Variants in ZNF296 observed in about 807,000 individuals in gnomAD.
ZNF296 encodes the protein zinc finger protein 296, also known as zinc finger protein 342.
In ZNF296, 1 loss-of-function variant was observed where a neutral mutation model predicts 13.2. The observed-to-expected ratio is 0.08, with a 90% CI of 0.03 to 0.36. The LOEUF (loss-of-function observed/expected upper bound fraction) is 0.36, where lower values mean the gene tolerates loss of function less well. Among genes scored for constraint, ZNF296 ranks in the 10% least tolerant of loss-of-function variants. The probability of loss-of-function intolerance (pLI) is 0.99; values close to 1 mark genes in which losing one functional copy is unlikely to be tolerated. For synonymous variants in ZNF296, 303 were observed against 289.0 expected (o/e 1.05, Z -0.49); for missense variants, 555 against 688.2 (o/e 0.81, Z 2.16).
chr19:45,071,993 C>T lies in ZNF296; in HGVS notation c.1036G>A (p.Gly346Ser), dbSNP rs138866921. The T allele has an allele frequency of 1.7e-5, 27 of 1,613,240 alleles. No homozygotes were observed. Among genetic ancestry groups the T allele is most frequent in the Non-Finnish European group, 2.2e-5 (26 of 1,180,016 alleles). ...PGAPGSGAQA[G>S]PGGDTWGAIT... ...GCTCCCCAAGTGTCTCCACCAGGGC[C>T]GGCTTGAGCCCCACTGCCAGGAGCC... The change falls in exon 3 of 3, where the codon GGC (glycine) becomes AGC (serine). Residue 346 changes from glycine (G) to serine (S), a missense_variant. Gly to Ser is a moderately conservative substitution (Grantham distance 56). This residue lies in a region of ZNF296 where 410 missense variants were observed against 548.0 expected (regional missense o/e 0.75). Transcript: ENST00000303809.
Position 45,071,683 on chromosome 19 carries a change from T to A in ZNF296, c.1346A>T (p.His449Leu), listed in dbSNP as rs1397499736. The change falls in exon 3 of 3, where the codon CAC becomes CTC. Residue 449 changes from histidine to leucine, a missense_variant. By Grantham distance (99) the His-to-Leu change is moderately conservative. Coordinates refer to ENST00000303809, the MANE Select transcript of ZNF296 (RefSeq NM_145288.3). ...TCGCAGGCCGAAGGGCACATGGCAG[T>A]GGGGGCACTCGAAGCGGGTGCTGCC... ...TPGSTRFECP[H>L]CHVPFGLRAT... is the part of the protein sequence containing the mutation. 3 of 1,576,294 alleles carry A rather than the reference T, an allele frequency of 1.9e-6. No homozygotes were observed. The highest frequency in any genetic ancestry group is 3.5e-5 in the Admixed American group (2 of 57,212).
At chr19:45,073,883 G>A (rs1051046295) in intron 2 of ZNF296, among the ~76,000 whole-genome samples, 2 of 151,586 alleles carry the variant, frequency 1.3e-5, no homozygotes, top group Non-Finnish European at 2.9e-5. Context: ...ATAGCCGGGT[G>A]TGGTGGTGCG....
Position 45,071,896 on chromosome 19 carries a change from C to T in ZNF296, c.1133G>A (p.Gly378Glu), listed in dbSNP as rs375789817. The change falls in exon 3 of 3, where the codon GGG becomes GAG. Residue 378 changes from glycine (G) to glutamate (E), a missense_variant. This residue lies in a region of ZNF296 where 410 missense variants were observed against 548.0 expected (regional missense o/e 0.75). Coordinates refer to ENST00000303809, the MANE Select transcript of ZNF296 (RefSeq NM_145288.3). ...GCCCCCGGGCCCGCGGCTCTTGCCC[C>T]CTGACTTGGGCATCTTTTTGGGTGA... is the stretch of plus-strand genomic sequence containing the variant. Reference protein sequence around the residue: ...KASPKKMPKSGGKSRGPGGSC... With the variant: ...KASPKKMPKSEGKSRGPGGSC... 4 of 1,613,346 alleles carry T rather than the reference C, an allele frequency of 2.5e-6. No homozygotes were observed. The highest frequency in any genetic ancestry group is 3.4e-6 in the Non-Finnish European group (4 of 1,180,018).
chr19:45,071,872 C>G lies in ZNF296; in HGVS notation c.1157G>C (p.Gly386Ala). ...ATGCTTCCCGCAGAACTCACAGCTG[C>G]CCCCGGGCCCGCGGCTCTTGCCCCC... ...KSGGKSRGPG[G>A]SCEFCGKHFT... The change falls in exon 3 of 3, where the codon GGC (glycine) becomes GCC (alanine). Residue 386 changes from glycine to alanine, a missense_variant. Gly to Ala is a moderately conservative substitution (Grantham distance 60, BLOSUM62 0). Coordinates refer to ENST00000303809, the MANE Select transcript of ZNF296 (RefSeq NM_145288.3). The G allele has an allele frequency of 6.2e-7, 1 of 1,612,942 alleles. No homozygotes were observed. The highest frequency in any genetic ancestry group is 8.5e-7 in the Non-Finnish European group (1 of 1,180,004).
rs145168144 is a variant in ZNF296 at position 45,071,712 on chromosome 19, C to A, written c.1317G>T (p.Thr439=). The change falls in exon 3 of 3, where the codon ACG becomes ACT. Residue 439 remains threonine (T), a synonymous_variant. Transcript: ENST00000303809. The part of the protein sequence containing the change: ...LNRHRRMHGM[T]PGSTRFECPH... Reference sequence around the variant, plus strand: ...GGCACTCGAAGCGGGTGCTGCCAGGCGTCATGCCGTGCATGCGGCGGTGGC... The same window carrying A: ...GGCACTCGAAGCGGGTGCTGCCAGGAGTCATGCCGTGCATGCGGCGGTGGC... 9.3e-5 allele frequency: 148 copies of A among 1,597,262 alleles called. No individual in the cohort carries two copies. The highest frequency in any genetic ancestry group is 1.3e-4 in the Non-Finnish European group (147 of 1,170,886).
chr19:45,075,746 G>A lies in ZNF296; in HGVS notation c.415C>T (p.Leu139Phe), dbSNP rs1456090522. The A allele has an allele frequency of 1.6e-5, 26 of 1,614,026 alleles. No individual in the cohort carries two copies. Among genetic ancestry groups the A allele is most frequent in the Non-Finnish European group, 2.2e-5 (26 of 1,180,020 alleles). ...FMDHKKLGCQ[L>F]FRGPSRGQGS... ...TGGCCGCGGCTGGGGCCTCTGAAGA[G>A]CTGACAGCCCAGCTTCTTGTGGTCC... Residue 139 changes from leucine to phenylalanine, a missense_variant, in exon 2 of 3, where the codon CTC (leucine) becomes TTC (phenylalanine). By Grantham distance (22) the Leu-to-Phe change is conservative. This residue lies in a region of ZNF296 where 410 missense variants were observed against 548.0 expected (regional missense o/e 0.75). Coordinates refer to ENST00000303809, the MANE Select transcript of ZNF296 (RefSeq NM_145288.3).
chr19:45,074,293 G>A (rs1323883596), intron 2 of ZNF296, among the ~76,000 whole-genome samples: 4 of 152,018 alleles, frequency 2.6e-5, no homozygotes, highest in Non-Finnish European at 5.9e-5. Context: ...CCTGGGAGGC[G>A]GAGGTTGCAG....
chr19:45,073,132 G>A (rs1487209628), intron 2 of ZNF296, among the ~76,000 whole-genome samples: 3 of 152,164 alleles, frequency 2.0e-5, no homozygotes, highest in Non-Finnish European at 2.9e-5. Context: ...ATGGCTCATA[G>A]CCCGGCTTTC....
chr19:45,072,494 C>T lies in ZNF296; in HGVS notation c.535G>A (p.Asp179Asn), dbSNP rs1422886397. 5.6e-6 allele frequency: 9 copies of T among 1,613,526 alleles called. No homozygotes were observed. In the Admixed American group the frequency reaches 1.5e-4, roughly 27 times the overall value. ...GTCTGGTAGATGGACAGTCCGTGGT[C>T]CCACTGGGCGTGACGCAGCAGCTTC... ...AWKLLRHAQW[D>N]HGLSIYQTES... is the part of the protein sequence containing the mutation. The change falls in exon 3 of 3, where the codon GAC (aspartate) becomes AAC (asparagine). Residue 179 changes from aspartate to asparagine, a missense_variant. By Grantham distance (23) the Asp-to-Asn change is conservative. Around this residue, in one of 3 missense-constraint regions of ZNF296, gnomAD observed 410 missense variants for 548.0 expected, o/e 0.75. Coordinates refer to ENST00000303809, the MANE Select transcript of ZNF296 (RefSeq NM_145288.3).
rs773124680 is a variant in ZNF296, at chr19:45,076,284, G to T, written c.90C>A (p.Leu30=). 2 of 1,480,174 alleles carry T rather than the reference G, an allele frequency of 1.4e-6. No homozygotes were observed. The allele number at this position is 1,480,174 out of a possible 1,614,324, so 91.7% of individuals were successfully genotyped here. The stretch of plus-strand genomic sequence containing the variant: ...CTGGCTCGGGCTTGAGTTCGATGAC[G>T]AGGTCCTGCATTTCCATCTCGTCGT... ...NPDDEMEMQD[L]VIELKPEPDA... The change falls in exon 1 of 3, where the codon CTC becomes CTA. Residue 30 remains leucine (L), a synonymous_variant. Coordinates refer to ENST00000303809, the MANE Select transcript of ZNF296 (RefSeq NM_145288.3). The surrounding 1 kb of genome is among the most constrained non-coding windows in gnomAD (Gnocchi z 4.9).
At chr19:45,074,816 T>C (rs918192416) in intron 2 of ZNF296, among the ~76,000 whole-genome samples, 2 of 152,170 alleles carry the variant, frequency 1.3e-5, no homozygotes, top group African/African-American at 4.8e-5. Flanking sequence ...AAGGTGCCCA[T>C]GATTCTCCAA....
In ZNF296 at chr19:45,075,795, C is replaced by T. The variant is rs962490048; in HGVS notation, c.366G>A (p.Pro122=). Residue 122 remains proline, a synonymous_variant, in exon 2 of 3, where the codon CCG becomes CCA. Coordinates refer to ENST00000303809, the MANE Select transcript of ZNF296 (RefSeq NM_145288.3). ...CCATGAAGGCAGTGATGGCCTCCAA[C>T]GGGAAGGTCTGCAGGCAGCGGCCGC... The part of the protein sequence containing the change: ...LTCGRCLQTF[P]LEAITAFMDH... The T allele has an allele frequency of 1.9e-6, 3 of 1,614,110 alleles. No homozygotes were observed. The African/African-American group carries it at 4.0e-5, about 22-fold the overall frequency.
chr19:45,073,917 G>T (rs908488774), intron 2 of ZNF296, among the ~76,000 whole-genome samples: 2 of 151,522 alleles, frequency 1.3e-5, no homozygotes, highest in Non-Finnish European at 2.9e-5. Flanking sequence ...GGCCACTTGG[G>T]AGGTTAAGGC....
rs757819476 is a variant in ZNF296, at chr19:45,076,133, CGAG to C, written c.238_240del (p.Leu80del). 2 of 1,554,032 alleles carry C rather than the reference CGAG, an allele frequency of 1.3e-6. No individual in the cohort carries two copies. The highest frequency in any genetic ancestry group is 1.2e-5 in the South Asian group (1 of 83,606). The stretch of plus-strand genomic sequence containing the variant: ...GTCCACGGGTTCCGCGGGCCGAGGG[CGAG>C]GAGGGCGGCCCCGGCGGGCATGGGG... On this transcript the variant is annotated inframe_deletion, in exon 1 of 3. Coordinates refer to ENST00000303809, the MANE Select transcript of ZNF296 (RefSeq NM_145288.3). This position sits in a 1 kb window ranked among gnomAD's most constrained non-coding sequence, Gnocchi z 4.9.
In ZNF296 at chr19:45,071,876, C is replaced by T. The variant is rs148109367; in HGVS notation, c.1153G>A (p.Gly385Arg). ...TTCCCGCAGAACTCACAGCTGCCCC[C>T]GGGCCCGCGGCTCTTGCCCCCTGAC... The part of the protein sequence containing the change: ...PKSGGKSRGP[G>R]GSCEFCGKHF... Residue 385 changes from glycine (G) to arginine (R), a missense_variant, in exon 3 of 3, where the codon GGG (glycine) becomes AGG (arginine). Gly to Arg is a moderately radical substitution (Grantham distance 125). Around this residue, in one of 3 missense-constraint regions of ZNF296, gnomAD observed 410 missense variants for 548.0 expected, o/e 0.75. Transcript: ENST00000303809. The T allele has an allele frequency of 4.4e-5, 71 of 1,612,926 alleles. No individual in the cohort carries two copies. In the Admixed American group the frequency reaches 6.7e-4, roughly 15 times the overall value.
At chr19:45,072,895 G>A (rs1338906105) in intron 2 of ZNF296, among the ~76,000 whole-genome samples, 2 of 152,112 alleles carry the variant, frequency 1.3e-5, no homozygotes, top group Non-Finnish European at 2.9e-5. Context: ...TAGAGTAGCT[G>A]GGATTACAGG....
At position 45,076,251 on chromosome 19, in the gene ZNF296, C is replaced by A. The variant is rs372919951; in HGVS notation, c.123G>T (p.Gln41His). 19 of 1,504,454 alleles carry A rather than the reference C, an allele frequency of 1.3e-5. No homozygotes were observed. The African/African-American group carries it at 2.6e-4, about 21-fold the overall frequency. The allele number at this position is 1,504,454 out of a possible 1,614,324, so 93.2% of individuals were successfully genotyped here. A position where few individuals can be genotyped will look rare whatever the true frequency, so the allele number is the denominator to read the frequency against. ...VIELKPEPDA[Q>H]PQQAPRLGPF... The stretch of plus-strand genomic sequence containing the variant: ...GCCCCAGCCTTGGGGCCTGTTGGGG[C>A]TGCGCGTCTGGCTCGGGCTTGAGTT... Residue 41 changes from glutamine to histidine, a missense_variant, in exon 1 of 3, where the codon CAG becomes CAT. Transcript: ENST00000303809. The surrounding 1 kb of genome is among the most constrained non-coding windows in gnomAD (Gnocchi z 4.9).
Position 45,072,379 on chromosome 19 carries a change from T to C in ZNF296, c.650A>G (p.Lys217Arg), listed in dbSNP as rs773166114. The C allele has an allele frequency of 2.5e-6, 4 of 1,612,552 alleles. No homozygotes were observed. The East Asian group carries it at 6.7e-5, about 27-fold the overall frequency. Residue 217 changes from lysine (K) to arginine (R), a missense_variant, in exon 3 of 3, where the codon AAG becomes AGG. By Grantham distance (26) the Lys-to-Arg change is conservative. Coordinates refer to ENST00000303809, the MANE Select transcript of ZNF296 (RefSeq NM_145288.3). ...GCCGCTGCCACTTGCACGGGGGCTC[T>C]TGGCCTCAGCTGCTGGCCCCACCAC... ...SAVVGPAAEA[K>R]SPRASGSGLT...
rs1415915824 is a variant in ZNF296, at chr19:45,072,731, T to C, written c.449-151A>G. ...AGGAAGCTGACGCTCAGAGGAGGGG[T>C]GGACACGAAAAATCTGTGGAGTGGG... is the stretch of plus-strand genomic sequence containing the variant. On this transcript the variant is annotated intron_variant, in intron 2 of 2. Transcript: ENST00000303809. The C allele has an allele frequency of 5.8e-6, 6 of 1,041,118 alleles. No individual in the cohort carries two copies. The Admixed American group carries it at 1.8e-4, about 32-fold the overall frequency. The allele number at this position is 1,041,118 out of a possible 1,614,324, so 64.5% of individuals were successfully genotyped here.
Sources: gnomAD v4.1 joint callset for allele counts (sites outside exome capture counted in the v4.1 genomes callset) on GRCh38, gnomAD v4.1.1 for gene constraint, gnomAD v4.1.1 regional missense constraint, Gnocchi (gnomAD v3.1) non-coding constraint, MANE v1.5 for transcripts, NCBI Gene and HGNC (gene_info 2026-07-23, HGNC 2026-07-21) for gene names.